MIEF1: variants seen among roughly 807,000 people sequenced by gnomAD.
MIEF1 encodes mitochondrial dynamics protein MIEF1.
MIEF1 carries 14 observed loss-of-function variants against 35.1 expected under a neutral mutation model. The observed-to-expected ratio is 0.40, with a 90% confidence interval of 0.26 to 0.62. The LOEUF (loss-of-function observed/expected upper bound fraction) is 0.62, where lower values mean the gene tolerates loss of function less well. Ranked by LOEUF, MIEF1 falls within the 20% of genes least tolerant of loss-of-function variation. The pLI, the probability that MIEF1 is intolerant of heterozygous loss-of-function variation, is 0.43. For synonymous variants in MIEF1, 245 were observed against 254.3 expected (o/e 0.96, Z 0.35); for missense variants, 542 against 615.4 (o/e 0.88, Z 1.26).
In MIEF1 at chr22:39,513,524, C is replaced by T. The variant is rs1930482252; in HGVS notation, c.593C>T (p.Thr198Ile). ...GSLYDDLQVV[T>I]ADHIQLIVPL... ...TAAATTCTGCCCTGACAGGTGGTGA[C>T]AGCTGACCACATCCAACTCATTGTG... is the stretch of plus-strand genomic sequence containing the variant. Residue 198 changes from threonine (T) to isoleucine (I), a missense_variant, in exon 6 of 6, where the codon ACA (threonine) becomes ATA (isoleucine). By Grantham distance (89) the Thr-to-Ile change is moderately conservative (BLOSUM62 -1). Transcript: ENST00000325301. 1 of 1,613,562 alleles carries T rather than the reference C, an allele frequency of 6.2e-7. No individual in the cohort carries two copies. Among genetic ancestry groups the T allele is most frequent in the Non-Finnish European group, 8.5e-7 (1 of 1,179,658 alleles).
chr22:39,501,503 G>A (rs1003697923), upstream of MIEF1, among the ~76,000 whole-genome samples: 32 of 152,334 alleles, frequency 2.1e-4, 2 homozygotes, highest in South Asian at 4.6e-3. Flanking sequence ...GGACTCCAAA[G>A]CCCCAGGCCC....
At chr22:39,507,239 C>T (rs1318107676) in intron 2 of MIEF1, among the ~76,000 whole-genome samples, 2 of 152,016 alleles carry the variant, frequency 1.3e-5, no homozygotes, top group East Asian at 3.9e-4. Context: ...TATTGCACTA[C>T]AGTAGGAAAA....
chr22:39,516,788 T>G lies in MIEF1; in HGVS notation c.*2465T>G, dbSNP rs1194114542. On this transcript the variant is annotated 3_prime_UTR_variant, in exon 6 of 6. Transcript: ENST00000325301. ...ATTTAAGTTGAGTGTAATTGTCATT[T>G]AAGGAAGGCAAATGAGTTTATCATC... The G allele has an allele frequency of 6.6e-6, 1 of 152,246 alleles. No individual in the cohort carries two copies. Among genetic ancestry groups the G allele is most frequent in the Non-Finnish European group, 1.5e-5 (1 of 68,038 alleles). 9.4% of individuals were successfully genotyped at this position (152,246 alleles called of 1,614,324 possible).
At chr22:39,505,386 C>T (rs1277612868) in intron 2 of MIEF1, among the ~76,000 whole-genome samples, 4 of 152,118 alleles carry the variant, frequency 2.6e-5, no homozygotes, top group Non-Finnish European at 4.4e-5. Context: ...TAGAGACGGT[C>T]TTGCTATGTT....
At chr22:39,510,714 C>T (rs759068303) in intron 2 of MIEF1, among the ~76,000 whole-genome samples, 1 of 152,212 alleles carries the variant, frequency 6.6e-6, no homozygotes, top group Non-Finnish European at 1.5e-5. Flanking sequence ...GAAGAAATGA[C>T]CTGCATTATA....
rs1930577640 is a variant in MIEF1, at chr22:39,514,915, A to C, written c.*592A>C. The C allele has an allele frequency of 3.4e-6, 1 of 298,384 alleles. No homozygotes were observed. The highest frequency in any genetic ancestry group is 4.7e-5 in the Admixed American group (1 of 21,082). The allele number at this position is 298,384 out of a possible 1,614,324, so 18.5% of individuals were successfully genotyped here. A position where few individuals can be genotyped will look rare whatever the true frequency, so the allele number is the denominator to read the frequency against. On this transcript the variant is annotated 3_prime_UTR_variant, in exon 6 of 6. Coordinates refer to ENST00000325301, the MANE Select transcript of MIEF1 (RefSeq NM_019008.6). ...CCTTTGACCACGGTTCCTGGAGTAG[A>C]AGTCCATCCTCCCCCCAACCTCCTG... is the stretch of plus-strand genomic sequence containing the variant.
chr22:39,504,768 G>A (rs546334257), intron 2 of MIEF1: 32 of 200,110 alleles, frequency 1.6e-4, no homozygotes, highest in African/African-American at 7.1e-4. Flanking sequence ...GTGACAGAAT[G>A]AGACCCTGTC....
Position 39,514,353 on chromosome 22 carries a change from G to T in MIEF1, c.*30G>T. ...GGTGAAGGCCAAAGCGGGTGTTGGT[G>T]GTCAGGCCCTGGATTCTCCGTTAGA... On this transcript the variant is annotated 3_prime_UTR_variant, in exon 6 of 6. Coordinates refer to ENST00000325301, the MANE Select transcript of MIEF1 (RefSeq NM_019008.6). The T allele has an allele frequency of 6.2e-7, 1 of 1,606,312 alleles. No homozygotes were observed. The highest frequency in any genetic ancestry group is 1.1e-5 in the South Asian group (1 of 90,514).
intron 2 of MIEF1, among the ~76,000 whole-genome samples, chr22:39,508,763 G>C (rs1930179739): frequency 6.6e-6 from 1 of 152,138 alleles, no homozygotes; most frequent in South Asian, 2.1e-4. Context: ...GACTGTAAAT[G>C]GTAGAGAAAA....
chr22:39,512,406 C>T lies in MIEF1; in HGVS notation c.497C>T (p.Ala166Val). The part of the protein sequence containing the change: ...RAKQAAVDIC[A>V]ELRSFLRAKL... The stretch of plus-strand genomic sequence containing the variant: ...AAGCAAGCTGCTGTGGACATATGTG[C>T]CGAGCTCCGGAGCTTCCTGCGGGCC... The change falls in exon 5 of 6, where the codon GCC becomes GTC. Residue 166 changes from alanine to valine, a missense_variant. Coordinates refer to ENST00000325301, the MANE Select transcript of MIEF1 (RefSeq NM_019008.6). 2 of 1,614,186 alleles carry T rather than the reference C, an allele frequency of 1.2e-6. No individual in the cohort carries two copies. The highest frequency in any genetic ancestry group is 2.2e-5 in the South Asian group (2 of 91,088).
At chr22:39,511,499 T>C in intron 3 of MIEF1, 61 bp downstream of exon 3, 2 of 1,466,744 alleles carry the variant, frequency 1.4e-6, no homozygotes, top group Non-Finnish European at 1.8e-6. Context: ...AGATGTAATG[T>C]TTTATAGAAA....
chr22:39,511,075 C>T (rs1211483834), intron 2 of MIEF1, among the ~76,000 whole-genome samples: 2 of 152,230 alleles, frequency 1.3e-5, no homozygotes, highest in African/African-American at 4.8e-5. Context: ...AGTTTTCCTA[C>T]AATACCCAAG....
upstream of MIEF1, among the ~76,000 whole-genome samples, chr22:39,500,822 G>C (rs899019723): frequency 1.3e-5 from 2 of 151,728 alleles, no homozygotes; most frequent in Non-Finnish European, 2.9e-5. Flanking sequence ...AGCCTCCCAA[G>C]TAACTGGGAT....
rs1431837082 is a variant in MIEF1 at position 39,516,759 on chromosome 22, A to G, written c.*2436A>G. The G allele has an allele frequency of 6.6e-6, 1 of 152,212 alleles. No individual in the cohort carries two copies. The highest frequency in any genetic ancestry group is 1.9e-4 in the East Asian group (1 of 5,198). 9.4% of individuals were successfully genotyped at this position (152,212 alleles called of 1,614,324 possible). On this transcript the variant is annotated 3_prime_UTR_variant, in exon 6 of 6. Transcript: ENST00000325301. ...AAAGATAAGATTTTAAAGAGTCCCA[A>G]GTTATTTAAGTTGAGTGTAATTGTC...
chr22:39,510,767 G>A (rs1930287117), intron 2 of MIEF1, among the ~76,000 whole-genome samples: 1 of 152,132 alleles, frequency 6.6e-6, no homozygotes, highest in Non-Finnish European at 1.5e-5. Context: ...TAACCTCTGT[G>A]AAGGGGTAGA....
chr22:39,503,095 C>T (rs555414644), intron 1 of MIEF1: 1 of 152,270 alleles, frequency 6.6e-6, no homozygotes, highest in East Asian at 1.9e-4. Context: ...TTGTATGTGC[C>T]AAGCGCTGTG....
intron 1 of MIEF1, chr22:39,503,137 T>G (rs1311584919): frequency 6.6e-6 from 1 of 152,142 alleles, no homozygotes; most frequent in Non-Finnish European, 1.5e-5. Flanking sequence ...CCAGAAGTGC[T>G]GTACACACGG....
At position 39,511,861 on chromosome 22, in the gene MIEF1, G is replaced by T. The variant is rs144389397; in HGVS notation, c.157G>T (p.Ala53Ser). The T allele has an allele frequency of 1.9e-6, 3 of 1,613,210 alleles. No homozygotes were observed. Residue 53 changes from alanine to serine, a missense_variant, in exon 4 of 6, where the codon GCG (alanine) becomes TCG (serine). By Grantham distance (99) the Ala-to-Ser change is moderately conservative (BLOSUM62 1). Transcript: ENST00000325301. ...TCTGCTATTTCAGATGTACGATCGG[G>T]CGATCAGTGCCCCTACCAGCCCCAC... ...TLAVKRMYDR[A>S]ISAPTSPTRL...
At chr22:39,500,336 C>T (rs1267252423), upstream of MIEF1, 1 of 151,930 alleles carries the variant, frequency 6.6e-6, no homozygotes, top group African/African-American at 2.4e-5. Context: ...AGGGAGAGGC[C>T]TTGTCAGTCT....
Sources: allele counts gnomAD v4.1 joint callset (sites outside exome capture counted in the v4.1 genomes callset), GRCh38; gene constraint gnomAD v4.1.1; transcripts MANE v1.5; gene names NCBI Gene and HGNC (gene_info 2026-07-23, HGNC 2026-07-21).